The following GAB2 variants were observed in gnomAD, a reference collection of about 807,000 sequenced individuals.
The protein encoded by GAB2 is GRB2 associated binding protein 2, also known as GRB2-associated-binding protein 2.
A neutral mutation model predicts 65.5 loss-of-function variants in GAB2; 26 were observed. The observed-to-expected ratio is 0.40, with a 90% CI of 0.29 to 0.55. GAB2 has a LOEUF of 0.55. GAB2 is among the 20% of genes least tolerant of loss of function. The pLI is 0.53. For synonymous variants in GAB2, 321 were observed against 329.6 expected, an observed-to-expected ratio of 0.97 and a Z score of 0.28; for missense variants, 884 against 875.8, an observed-to-expected ratio of 1.01 and a Z score of -0.12.
At position 78,394,299 on chromosome 11, in the gene GAB2, C is replaced by T. The variant is rs1856868128; in HGVS notation, c.75+23347G>A. ...CAAGACTCCATCTCAAAAAAAACACCAAAAAACAAAAAAGAAGCTATACTA... is the reference window on the plus strand; with the variant it reads ...CAAGACTCCATCTCAAAAAAAACACTAAAAAACAAAAAAGAAGCTATACTA... On this transcript the variant is annotated intron_variant, in intron 1 of 9. Coordinates refer to ENST00000361507, the MANE Select transcript of GAB2 (RefSeq NM_080491.3). Among the ~76,000 whole-genome samples the T allele has an allele frequency of 2.0e-5, 3 of 151,802 alleles. No individual in the cohort carries two copies. In the South Asian group the frequency reaches 6.2e-4, roughly 32 times the overall value.
chr11:78,273,970 C>G (rs1468557047), intron 2 of GAB2, among the ~76,000 whole-genome samples: 1 of 151,970 alleles, frequency 6.6e-6, no homozygotes, highest in Non-Finnish European at 1.5e-5. Flanking sequence ...GAGGCCTCCT[C>G]AGTCATGTGG....
chr11:78,232,577 C>G (rs1864875475), intron 3 of GAB2, among the ~76,000 whole-genome samples: 1 of 152,130 alleles, frequency 6.6e-6, no homozygotes, highest in Non-Finnish European at 1.5e-5. Flanking sequence ...AGTGGAAGAC[C>G]TGCATTTTGA....
intron 1 of GAB2, among the ~76,000 whole-genome samples, chr11:78,292,705 G>C (rs1352548297): frequency 6.6e-6 from 1 of 152,200 alleles, no homozygotes; most frequent in African/African-American, 2.4e-5. Flanking sequence ...CACACTTCCT[G>C]AGCGAGGAAA....
chr11:78,328,180 G>A (rs775648672), intron 1 of GAB2, among the ~76,000 whole-genome samples: 9 of 152,150 alleles, frequency 5.9e-5, no homozygotes, highest in African/African-American at 1.9e-4. Flanking sequence ...AGGCACTCTC[G>A]GGTCCACATT....
intron 1 of GAB2, among the ~76,000 whole-genome samples, chr11:78,376,372 G>A (rs1363111095): frequency 6.6e-6 from 1 of 152,128 alleles, no homozygotes; most frequent in African/African-American, 2.4e-5. Flanking sequence ...ACTATTCTAA[G>A]CACTTTATGT....
intron 1 of GAB2, among the ~76,000 whole-genome samples, chr11:78,372,645 G>C (rs77252325): frequency 0.029 from 4,392 of 152,222 alleles, 210 homozygotes; most frequent in African/African-American, 0.099. Context: ...AGCAATCTAA[G>C]TGGCTGTCCT....
chr11:78,338,158 A>G (rs1298148778), intron 1 of GAB2, among the ~76,000 whole-genome samples: 4 of 152,378 alleles, frequency 2.6e-5, no homozygotes, highest in African/African-American at 9.6e-5. Context: ...TGAATGTTCA[A>G]TGTTCAATTC....
chr11:78,221,718 T>C lies in GAB2; in HGVS notation c.1720A>G (p.Ser574Gly), dbSNP rs1335794362. The C allele has an allele frequency of 1.2e-6, 2 of 1,613,720 alleles. No homozygotes were observed. The highest frequency in any genetic ancestry group is 1.7e-6 in the Non-Finnish European group (2 of 1,179,730). Residue 574 changes from serine (S) to glycine (G), a missense_variant, in exon 8 of 10, where the codon AGC (serine) becomes GGC (glycine). Transcript: ENST00000361507. Reference sequence around the variant, plus strand: ...TCTTCGCTGTCTCCTGAGTCTGTGCTGGTGATGCTCTGGGTGGAGATGGGG... The same window carrying C: ...TCTTCGCTGTCTCCTGAGTCTGTGCCGGTGATGCTCTGGGTGGAGATGGGG... Reference protein sequence around the residue: ...CRPISTQSITSTDSGDSEENY... With the variant: ...CRPISTQSITGTDSGDSEENY...
intron 1 of GAB2, among the ~76,000 whole-genome samples, chr11:78,409,258 C>T (rs1857094136): frequency 6.6e-6 from 1 of 152,098 alleles, no homozygotes; most frequent in Non-Finnish European, 1.5e-5. Flanking sequence ...GGTCATGCCA[C>T]CAAGAAGATG....
chr11:78,395,993 A>T (rs970914538), intron 1 of GAB2, among the ~76,000 whole-genome samples: 9 of 152,362 alleles, frequency 5.9e-5, no homozygotes, highest in Admixed American at 2.0e-4. Context: ...TTATCTTCTT[A>T]AAAAATATAA....
At chr11:78,328,671 CAA>C (rs761199572) in intron 1 of GAB2, among the ~76,000 whole-genome samples, 1 of 147,974 alleles carries the variant, frequency 6.8e-6, no homozygotes, top group Non-Finnish European at 1.5e-5. Context: ...AAGCCTTACA[CAA>C]AAGAGTACAT....
chr11:78,226,696 T>G lies in GAB2; in HGVS notation c.976A>C (p.Ile326Leu). ...VPATPLSAYQ[I>L]PRTFTLDKNH... Reference sequence around the variant, plus strand: ...TTGTCCAGAGTGAATGTCCTAGGGATCTGGTAGGCTGAGAGTGGGGTGGCC... The same window carrying G: ...TTGTCCAGAGTGAATGTCCTAGGGAGCTGGTAGGCTGAGAGTGGGGTGGCC... The change falls in exon 4 of 10, where the codon ATC becomes CTC. Residue 326 changes from isoleucine to leucine, a missense_variant. Transcript: ENST00000361507. 1 of 1,613,958 alleles carries G rather than the reference T, an allele frequency of 6.2e-7. No individual in the cohort carries two copies. The highest frequency in any genetic ancestry group is 8.5e-7 in the Non-Finnish European group (1 of 1,179,934).
At chr11:78,325,047 A>G (rs1855798359) in intron 1 of GAB2, among the ~76,000 whole-genome samples, 1 of 152,218 alleles carries the variant, frequency 6.6e-6, no homozygotes, top group African/African-American at 2.4e-5. Context: ...AAACCAGGGC[A>G]TCTTATTTTT....
chr11:78,244,241 A>G (rs1324435864), intron 3 of GAB2, among the ~76,000 whole-genome samples: 1 of 151,968 alleles, frequency 6.6e-6, no homozygotes, highest in Non-Finnish European at 1.5e-5. Context: ...AAAATAGAAA[A>G]ATTGGCCAGG....
In GAB2 at chr11:78,246,433, G is replaced by A. The variant is rs184222475; in HGVS notation, c.620+3724C>T. ...TGAGACATTTTGGATTACAGATCCT[G>A]AATGCTGTGAACATGATGTTGTGTA... On this transcript the variant is annotated intron_variant, in intron 3 of 9. Coordinates refer to ENST00000361507, the MANE Select transcript of GAB2 (RefSeq NM_080491.3). Among the ~76,000 whole-genome samples, 75 of 152,258 alleles carry A rather than the reference G, an allele frequency of 4.9e-4. 1 individual carries two copies. The East Asian group carries it at 0.012, about 24-fold the overall frequency.
At chr11:78,276,664 G>T (rs1343064329) in intron 2 of GAB2, among the ~76,000 whole-genome samples, 1 of 152,144 alleles carries the variant, frequency 6.6e-6, no homozygotes, top group Non-Finnish European at 1.5e-5. Context: ...AAGGTTTGCT[G>T]AATGAATAAT....
intron 1 of GAB2, among the ~76,000 whole-genome samples, chr11:78,347,497 TTTCTTC>T (rs2134699691): frequency 6.6e-6 from 1 of 152,306 alleles, no homozygotes; most frequent in South Asian, 2.1e-4. Flanking sequence ...TGAGACTTCT[TTTCTTC>T]ATCATTAAAA....
At chr11:78,315,139 G>GAA (rs1304504576) in intron 1 of GAB2, among the ~76,000 whole-genome samples, 1 of 152,212 alleles carries the variant, frequency 6.6e-6, no homozygotes, top group Non-Finnish European at 1.5e-5. Flanking sequence ...AAAGGGCAGG[G>GAA]GGGAGGAGGT....
chr11:78,246,652 C>T (rs1235101070), intron 3 of GAB2, among the ~76,000 whole-genome samples: 1 of 152,076 alleles, frequency 6.6e-6, no homozygotes, highest in Non-Finnish European at 1.5e-5. Context: ...GGGCCCACTA[C>T]CAAGCCCAGC....
Sources: allele counts gnomAD v4.1 joint callset (sites outside exome capture counted in the v4.1 genomes callset), GRCh38; gene constraint gnomAD v4.1.1; transcripts MANE v1.5; gene names NCBI Gene and HGNC (gene_info 2026-07-23, HGNC 2026-07-21).